ELAVL4: variants seen among roughly 807,000 people sequenced by gnomAD.
ELAVL4 encodes ELAV like RNA binding protein 4.
Under a neutral mutation model 35.6 loss-of-function variants are expected in ELAVL4, and 1 was observed. That is an observed-to-expected ratio of 0.03 (90% CI 0.01 to 0.13). The LOEUF (loss-of-function observed/expected upper bound fraction) is 0.13, where lower values mean the gene tolerates loss of function less well. Among genes scored for constraint, ELAVL4 ranks in the 10% least tolerant of loss-of-function variants. The probability of loss-of-function intolerance (pLI) is 1.00; values close to 1 mark genes in which losing one functional copy is unlikely to be tolerated. For missense variants in ELAVL4, 267 were observed against 464.9 expected, an observed-to-expected ratio of 0.57 and a Z score of 3.91; for synonymous variants, 156 against 171.0, an observed-to-expected ratio of 0.91 and a Z score of 0.69.
At chr1:50,190,893 G>A (rs1165747686) in intron 3 of ELAVL4, among the ~76,000 whole-genome samples, 2 of 152,156 alleles carry the variant, frequency 1.3e-5, no homozygotes, top group Non-Finnish European at 1.5e-5. Flanking sequence ...TCGTGACAGA[G>A]GAAGGCTATT....
intron 1 of ELAVL4, among the ~76,000 whole-genome samples, chr1:50,069,245 T>C (rs1007208726): frequency 2.0e-5 from 3 of 152,226 alleles, no homozygotes; most frequent in African/African-American, 7.2e-5. Flanking sequence ...CCTCATTCTC[T>C]GTGAGGTCTT....
intron 1 of ELAVL4, among the ~76,000 whole-genome samples, chr1:50,064,466 G>C (rs757663034): frequency 1.5e-4 from 23 of 152,032 alleles, no homozygotes; most frequent in Non-Finnish European, 2.9e-4. Flanking sequence ...TTGGCATGAC[G>C]TGGTAGTTGT....
intron 1 of ELAVL4, among the ~76,000 whole-genome samples, chr1:50,139,965 C>T (rs770645737): frequency 3.9e-5 from 6 of 152,222 alleles, no homozygotes; most frequent in Non-Finnish European, 7.4e-5. Flanking sequence ...TATTGTGCAC[C>T]GCTCTAATAG....
rs560605605 is a variant in ELAVL4, at chr1:50,202,001, C to T, written c.*823C>T. The T allele has an allele frequency of 2.5e-4, 38 of 152,216 alleles. No homozygotes were observed. The highest frequency in any genetic ancestry group is 9.1e-4 in the African/African-American group (38 of 41,542). 9.4% of individuals were successfully genotyped at this position (152,216 alleles called of 1,614,324 possible). A position where few individuals can be genotyped will look rare whatever the true frequency, so the allele number is the denominator to read the frequency against. On this transcript the variant is annotated 3_prime_UTR_variant, in exon 7 of 7. Transcript: ENST00000371824. Reference sequence around the variant, plus strand: ...TGGCTAATTTAGGGGAAATTGACAACTTTGTCGCGTTCATACTGCACTGGT... The same window carrying T: ...TGGCTAATTTAGGGGAAATTGACAATTTTGTCGCGTTCATACTGCACTGGT...
intron 2 of ELAVL4, among the ~76,000 whole-genome samples, chr1:50,151,392 AAAG>A (rs1674758232): frequency 6.6e-6 from 1 of 152,230 alleles, no homozygotes. Context: ...TTAGCTAAAC[AAAG>A]AAGACTAGAC....
At chr1:50,097,759 A>G (rs1244675091) in intron 1 of ELAVL4, among the ~76,000 whole-genome samples, 2 of 152,214 alleles carry the variant, frequency 1.3e-5, no homozygotes, top group East Asian at 3.9e-4. Context: ...AACTACTGAC[A>G]CTACGTCAAA....
At chr1:50,080,952 T>C (rs1353508723) in intron 1 of ELAVL4, among the ~76,000 whole-genome samples, 1 of 152,234 alleles carries the variant, frequency 6.6e-6, no homozygotes, top group African/African-American at 2.4e-5. Context: ...TACTCGGTTA[T>C]ATGTATCTCT....
chr1:50,198,264 G>A (rs1644179137), intron 6 of ELAVL4, among the ~76,000 whole-genome samples: 1 of 152,090 alleles, frequency 6.6e-6, no homozygotes, highest in African/African-American at 2.4e-5. Flanking sequence ...TGGAAAGTTG[G>A]GTGTGTGATG....
intron 1 of ELAVL4, among the ~76,000 whole-genome samples, chr1:50,139,429 T>G (rs2148668699): frequency 6.6e-6 from 1 of 152,268 alleles, no homozygotes; most frequent in Non-Finnish European, 1.5e-5. Flanking sequence ...GTCCTCCACT[T>G]TAAAATTACA....
At chr1:50,111,603 T>A (rs915948830) in intron 1 of ELAVL4, among the ~76,000 whole-genome samples, 31 of 152,176 alleles carry the variant, frequency 2.0e-4, no homozygotes, top group African/African-American at 7.5e-4. Flanking sequence ...AGCTTTTTGC[T>A]TTCCTTCTTT....
At chr1:50,124,133 C>A (rs1177295315) in intron 1 of ELAVL4, among the ~76,000 whole-genome samples, 1 of 152,072 alleles carries the variant, frequency 6.6e-6, no homozygotes, top group Admixed American at 6.6e-5. Context: ...GTTGTGAAGA[C>A]TGGTTTTGAC....
intron 1 of ELAVL4, among the ~76,000 whole-genome samples, chr1:50,051,710 T>C (rs1663394584): frequency 6.6e-6 from 1 of 152,188 alleles, no homozygotes; most frequent in South Asian, 2.1e-4. Context: ...GATTTTTTTA[T>C]TGGGAACTGG....
At chr1:50,130,880 G>A (rs1416983257) in intron 1 of ELAVL4, among the ~76,000 whole-genome samples, 1 of 152,130 alleles carries the variant, frequency 6.6e-6, no homozygotes, top group Non-Finnish European at 1.5e-5. Context: ...TCATTAAATT[G>A]TGTCTCATAA....
At chr1:50,118,651 A>T (rs574918522) in intron 1 of ELAVL4, among the ~76,000 whole-genome samples, 1 of 152,118 alleles carries the variant, frequency 6.6e-6, no homozygotes, top group East Asian at 1.9e-4. Context: ...TGAAGGGGGA[A>T]ATAAATAAAT....
At chr1:50,065,288 G>T (rs1447400800) in intron 1 of ELAVL4, among the ~76,000 whole-genome samples, 1 of 152,146 alleles carries the variant, frequency 6.6e-6, no homozygotes, top group African/African-American at 2.4e-5. Context: ...CAGAAGTGAA[G>T]GAAAAGGTTA....
At chr1:50,050,890 T>C (rs925582263) in intron 1 of ELAVL4, among the ~76,000 whole-genome samples, 13 of 152,186 alleles carry the variant, frequency 8.5e-5, no homozygotes, top group Non-Finnish European at 2.9e-5. Flanking sequence ...ATGTAAAGTG[T>C]GTTTAGCACA....
Position 50,201,416 on chromosome 1 carries a change from T to A in ELAVL4, c.*238T>A. 3.4e-6 allele frequency: 1 copy of A among 294,000 alleles called. No individual in the cohort carries two copies. The highest frequency in any genetic ancestry group is 6.1e-6 in the Non-Finnish European group (1 of 164,378). The allele number at this position is 294,000 out of a possible 1,614,324, so 18.2% of individuals were successfully genotyped here. Reference sequence around the variant, plus strand: ...AAAAAAAAAAAACAAAAAATACCTTTGATGCATTGAATGTTCTTTCATAGC... The same window carrying A: ...AAAAAAAAAAAACAAAAAATACCTTAGATGCATTGAATGTTCTTTCATAGC... On this transcript the variant is annotated 3_prime_UTR_variant, in exon 7 of 7. Transcript: ENST00000371824. This position sits in a 1 kb window ranked among gnomAD's most constrained non-coding sequence, Gnocchi z 4.3.
upstream of ELAVL4, among the ~76,000 whole-genome samples, chr1:50,099,852 T>C (rs1035510128): frequency 3.9e-5 from 6 of 152,200 alleles, no homozygotes; most frequent in African/African-American, 1.4e-4. Context: ...GTAATCCTCA[T>C]AGGACCAAGG....
At position 50,195,667 on chromosome 1, in the gene ELAVL4, T is replaced by C; in HGVS notation, c.615T>C (p.Ile205=). ...GQKPSGATEP[I]TVKFANNPSQ... ...AGCCCAGCGGTGCTACGGAACCGAT[T>C]ACTGTGAAGTTTGCCAACAACCCCA... is the stretch of plus-strand genomic sequence containing the variant. The change falls in exon 5 of 7, where the codon ATT becomes ATC. Residue 205 remains isoleucine, a synonymous_variant. Coordinates refer to ENST00000371824, the MANE Select transcript of ELAVL4 (RefSeq NM_001144774.3). 6.2e-7 allele frequency: 1 copy of C among 1,614,156 alleles called. No homozygotes were observed. Among genetic ancestry groups the C allele is most frequent in the Non-Finnish European group, 8.5e-7 (1 of 1,180,002 alleles).
Sources: gnomAD v4.1 joint callset for allele counts (sites outside exome capture counted in the v4.1 genomes callset) on GRCh38, gnomAD v4.1.1 for gene constraint, Gnocchi (gnomAD v3.1) non-coding constraint, MANE v1.5 for transcripts, NCBI Gene and HGNC (gene_info 2026-07-23, HGNC 2026-07-21) for gene names.